CACNA1D: variants seen among roughly 807,000 people sequenced by gnomAD.
The protein encoded by CACNA1D is calcium voltage-gated channel subunit alpha1 D, also known as voltage-dependent L-type calcium channel subunit alpha-1D.
CACNA1D carries 55 observed loss-of-function variants against 257.1 expected under a neutral mutation model. The ratio of observed to expected loss-of-function variants is 0.21; its 90% CI spans 0.17 to 0.27. The LOEUF (loss-of-function observed/expected upper bound fraction) is 0.27. Among genes scored for constraint, CACNA1D ranks in the 10% least tolerant of loss-of-function variants. CACNA1D has a pLI of 1.00. For synonymous variants in CACNA1D, 980 were observed against 1,014.9 expected, an observed-to-expected ratio of 0.97 and a Z score of 0.65; for missense variants, 1,876 against 2,784.0, an observed-to-expected ratio of 0.67 and a Z score of 7.34.
intron 9 of CACNA1D, among the ~76,000 whole-genome samples, chr3:53,706,690 A>G (rs2633729): frequency 0.53 from 80,507 of 151,874 alleles, 22,635 homozygotes; most frequent in African/African-American, 0.73. Context: ...ATAGCGGTGA[A>G]GTCTGGGCTT....
intron 3 of CACNA1D, among the ~76,000 whole-genome samples, chr3:53,622,838 A>G (rs577256370): frequency 6.6e-6 from 1 of 152,212 alleles, no homozygotes. Context: ...CTCAGCAAGA[A>G]AAAGGCATGA....
chr3:53,494,940 C>T lies in CACNA1D; in HGVS notation c.-227C>T. 1.8e-6 allele frequency: 1 copy of T among 565,596 alleles called. No homozygotes were observed. Among genetic ancestry groups the T allele is most frequent in the Non-Finnish European group, 3.2e-6 (1 of 317,292 alleles). The allele number at this position is 565,596 out of a possible 1,614,324, so 35.0% of individuals were successfully genotyped here. On this transcript the variant is annotated 5_prime_UTR_variant, in exon 1 of 48. Transcript: ENST00000350061. ...ATTTTTTTAAAAAGTTTATTTTGCTCCATTTTTGAAAAAGAGAGAGCTTGG... is the reference window on the plus strand; with the variant it reads ...ATTTTTTTAAAAAGTTTATTTTGCTTCATTTTTGAAAAAGAGAGAGCTTGG...
chr3:53,708,796 A>G (rs913195771), intron 9 of CACNA1D, among the ~76,000 whole-genome samples: 1 of 152,222 alleles, frequency 6.6e-6, no homozygotes, highest in Non-Finnish European at 1.5e-5. Context: ...CCTTAAAGAG[A>G]GGCAGACTTA....
chr3:53,674,622 T>A (rs561476979), intron 8 of CACNA1D, among the ~76,000 whole-genome samples: 3 of 152,352 alleles, frequency 2.0e-5, no homozygotes, highest in Admixed American at 2.0e-4. Flanking sequence ...TAGCTGGAGA[T>A]GCCATCCCAG....
chr3:53,751,599 A>C lies in CACNA1D; in HGVS notation c.3517-150A>C. 1 of 782,772 alleles carries C rather than the reference A, an allele frequency of 1.3e-6. No homozygotes were observed. Among genetic ancestry groups the C allele is most frequent in the Non-Finnish European group, 2.2e-6 (1 of 456,140 alleles). The allele number at this position is 782,772 out of a possible 1,614,324, so 48.5% of individuals were successfully genotyped here. ...GTGACTCAAGAGTGGTGCCAGCAGC[A>C]GGAAGGGGGTCACTCGTAATCATTT... On this transcript the variant is annotated intron_variant, in intron 27 of 47. Coordinates refer to ENST00000350061, the MANE Select transcript of CACNA1D (RefSeq NM_001128840.3). The surrounding 1 kb of genome is among the most constrained non-coding windows in gnomAD (Gnocchi z 4.3).
At chr3:53,591,916 A>G (rs527418310) in intron 3 of CACNA1D, among the ~76,000 whole-genome samples, 1 of 152,326 alleles carries the variant, frequency 6.6e-6, no homozygotes, top group Non-Finnish European at 1.5e-5. Flanking sequence ...AGTGTTGGGC[A>G]AAACTGGGTG....
chr3:53,725,390 C>T (rs549683246), intron 14 of CACNA1D, among the ~76,000 whole-genome samples: 16 of 152,318 alleles, frequency 1.1e-4, no homozygotes, highest in Non-Finnish European at 2.2e-4. Context: ...TCTTAGCCCA[C>T]ATACACAGGG....
chr3:53,773,419 G>T (rs1441395189), intron 33 of CACNA1D: 6 of 179,220 alleles, frequency 3.3e-5, no homozygotes, highest in Admixed American at 2.2e-4. Context: ...GAAAGGGACT[G>T]GGCCTGCCTA....
At chr3:53,571,916 GT>G (rs1010107121) in intron 3 of CACNA1D, among the ~76,000 whole-genome samples, 36 of 152,126 alleles carry the variant, frequency 2.4e-4, no homozygotes, top group African/African-American at 8.5e-4. Flanking sequence ...AAAGGAACAG[GT>G]GGTAGGAAAC....
chr3:53,702,918 C>T, intron 9 of CACNA1D, 108 bp downstream of exon 9: 1 of 1,173,976 alleles, frequency 8.5e-7, no homozygotes, highest in Non-Finnish European at 1.2e-6. Context: ...GGGACAGCCT[C>T]CTCCCAGCCA....
rs371748395 is a variant in CACNA1D at position 53,810,140 on chromosome 3, G to A, written c.6034G>A (p.Val2012Met). 5.0e-6 allele frequency: 8 copies of A among 1,613,874 alleles called. No individual in the cohort carries two copies. In the African/African-American group the frequency reaches 1.1e-4, roughly 22 times the overall value. Residue 2012 changes from valine to methionine, a missense_variant, in exon 47 of 48, where the codon GTG (valine) becomes ATG (methionine). By Grantham distance (21) the Val-to-Met change is conservative (BLOSUM62 1). Transcript: ENST00000350061. ...QVEQSEALDQ[V>M]NGSLPSLHRS... Reference sequence around the variant, plus strand: ...GGAGCAGTCAGAGGCCCTGGACCAGGTGAACGGCAGCCTGCCGTCCCTGCA... The same window carrying A: ...GGAGCAGTCAGAGGCCCTGGACCAGATGAACGGCAGCCTGCCGTCCCTGCA...
chr3:53,757,825 A>T (rs1364952499), intron 29 of CACNA1D, among the ~76,000 whole-genome samples: 3 of 152,110 alleles, frequency 2.0e-5, no homozygotes, highest in African/African-American at 7.2e-5. Flanking sequence ...GGGAAATGTT[A>T]TCTTCTCTGA....
chr3:53,750,563 A>G (rs1313098194), intron 27 of CACNA1D, among the ~76,000 whole-genome samples: 1 of 152,114 alleles, frequency 6.6e-6, no homozygotes, highest in African/African-American at 2.4e-5. Flanking sequence ...TTTTCCTTTG[A>G]GTTGTCAGGG....
rs754612103 is a variant in CACNA1D, at chr3:53,808,704, A to G, written c.5805A>G (p.Glu1935=). 3 of 1,609,646 alleles carry G rather than the reference A, an allele frequency of 1.9e-6. No homozygotes were observed. The highest frequency in any genetic ancestry group is 1.7e-6 in the Non-Finnish European group (2 of 1,179,984). The change falls in exon 46 of 48, where the codon GAA becomes GAG. Residue 1935 remains glutamate, a synonymous_variant. Transcript: ENST00000350061. ...GCCTGCGCCGGCAGAGCAGCCAGGA[A>G]GAGGTCCCGTCGTCTCCCATCTTCC... ...FECLRRQSSQ[E]EVPSSPIFPH... is the part of the protein sequence containing the mutation.
chr3:53,546,485 T>A (rs1225710634), intron 3 of CACNA1D, among the ~76,000 whole-genome samples: 1 of 152,220 alleles, frequency 6.6e-6, no homozygotes, highest in African/African-American at 2.4e-5. Flanking sequence ...AGAGTAGCTT[T>A]TGGCTTAGGG....
chr3:53,618,121 C>T (rs915050377), intron 3 of CACNA1D, among the ~76,000 whole-genome samples: 3 of 152,140 alleles, frequency 2.0e-5, no homozygotes, highest in Non-Finnish European at 2.9e-5. Flanking sequence ...TGTAGGGACC[C>T]GCCAGCTCTT....
At chr3:53,806,757 C>A (rs1177039874) in intron 45 of CACNA1D, among the ~76,000 whole-genome samples, 3 of 152,188 alleles carry the variant, frequency 2.0e-5, no homozygotes, top group African/African-American at 7.2e-5. Flanking sequence ...TGTGACCAGA[C>A]CCATTTCCAT....
At chr3:53,587,062 A>C (rs2093230975) in intron 3 of CACNA1D, among the ~76,000 whole-genome samples, 1 of 152,162 alleles carries the variant, frequency 6.6e-6, no homozygotes, top group Non-Finnish European at 1.5e-5. Flanking sequence ...TGGGCCTTGC[A>C]AGCCAGGATG....
intron 3 of CACNA1D, among the ~76,000 whole-genome samples, chr3:53,642,060 T>A (rs73840164): frequency 0.051 from 7,714 of 152,140 alleles, 340 homozygotes; most frequent in African/African-American, 0.12. Context: ...CTTTTATAAC[T>A]GAAAAGCCCA....
Sources: allele counts gnomAD v4.1 joint callset (sites outside exome capture counted in the v4.1 genomes callset), GRCh38; gene constraint gnomAD v4.1.1; non-coding constraint Gnocchi (gnomAD v3.1); transcripts MANE v1.5; gene names NCBI Gene and HGNC (gene_info 2026-07-23, HGNC 2026-07-21).